Variants in OR7G2 observed in about 807,000 individuals in gnomAD.
OR7G2 encodes the protein olfactory receptor family 7 subfamily G member 2.
For missense variants in OR7G2, 362 were observed against 384.0 expected, an observed-to-expected ratio of 0.94 and a Z score of 0.48; for synonymous variants, 153 against 152.2, an observed-to-expected ratio of 1.01 and a Z score of -0.04.
chr19:9,104,173 C>A (rs1460640519), intron 1 of OR7G2, among the ~76,000 whole-genome samples: 1 of 152,124 alleles, frequency 6.6e-6, no homozygotes, highest in African/African-American at 2.4e-5. Flanking sequence ...AGGTGTGAGC[C>A]ATCACGCTCG....
chr19:9,103,375 G>A, intron 1 of OR7G2, 116 bp from the exon 2 acceptor site: 2 of 921,284 alleles, frequency 2.2e-6, no homozygotes, highest in Non-Finnish European at 3.3e-6. Flanking sequence ...TAAACTCTGG[G>A]GATGAGAACC....
chr19:9,106,652 G>A (rs565180794), intron 1 of OR7G2, among the ~76,000 whole-genome samples: 36 of 147,414 alleles, frequency 2.4e-4, no homozygotes, highest in African/African-American at 8.1e-4. Flanking sequence ...CAGGAGAATC[G>A]CTTGAACCTG....
At position 9,102,272 on chromosome 19, in the gene OR7G2, C is replaced by T. The variant is rs1379688994; in HGVS notation, c.972G>A (p.Glu324=). Residue 324 remains glutamate (E), a synonymous_variant, in exon 2 of 2, where the codon GAG becomes GAA. Transcript: ENST00000641081. The part of the protein sequence containing the change: ...CAICFGFRFL[E] ...CCAGGAATCCTGTCACTTTGACTTACTCTAGAAACCTGAATCCAAAGCAAA... is the reference window on the plus strand; with the variant it reads ...CCAGGAATCCTGTCACTTTGACTTATTCTAGAAACCTGAATCCAAAGCAAA... The T allele has an allele frequency of 4.4e-6, 7 of 1,590,262 alleles. No homozygotes were observed. In the South Asian group the frequency reaches 5.7e-5, roughly 13 times the overall value.
rs2050391803 is a variant in OR7G2, at chr19:9,107,361, C to G, written c.-64G>C. On this transcript the variant is annotated 5_prime_UTR_variant, in exon 1 of 2. Coordinates refer to ENST00000641081, the MANE Select transcript of OR7G2 (RefSeq NM_001005193.2). ...TATCCTCAGGAAGTGCAGACAGACT[C>G]GAGTCCTGGTCAAAAATATCATGTC... 1 of 152,122 alleles carries G rather than the reference C, an allele frequency of 6.6e-6. No individual in the cohort carries two copies. The highest frequency in any genetic ancestry group is 6.6e-5 in the Admixed American group (1 of 15,238). 9.4% of individuals were successfully genotyped at this position (152,122 alleles called of 1,614,324 possible).
chr19:9,103,267 A>G lies in OR7G2; in HGVS notation c.-16-8T>C, dbSNP rs2050366560. ...ATGCTGTTGATGATGAATCTGATGG[A>G]AAAGATAATAAAATCTGTAAGCAGC... On this transcript the variant is annotated splice_region_variant and splice_polypyrimidine_tract_variant and intron_variant, in intron 1 of 1. Transcript: ENST00000641081. 6.2e-7 allele frequency: 1 copy of G among 1,613,660 alleles called. No individual in the cohort carries two copies. Among genetic ancestry groups the G allele is most frequent in the Admixed American group, 1.7e-5 (1 of 59,956 alleles).
Position 9,102,254 on chromosome 19 carries a change from T to C in OR7G2, c.*15A>G, listed in dbSNP as rs1380693597. The C allele has an allele frequency of 3.2e-6, 5 of 1,571,084 alleles. No individual in the cohort carries two copies. The highest frequency in any genetic ancestry group is 4.3e-6 in the Non-Finnish European group (5 of 1,160,276). ...GTCAGGCATTCTAGCTCACCAGGAA[T>C]CCTGTCACTTTGACTTACTCTAGAA... On this transcript the variant is annotated 3_prime_UTR_variant, in exon 2 of 2. Transcript: ENST00000641081.
In OR7G2 at chr19:9,102,149, C is replaced by A. The variant is rs2050357142; in HGVS notation, c.*120G>T. 12 of 862,080 alleles carry A rather than the reference C, an allele frequency of 1.4e-5. No individual in the cohort carries two copies. In the East Asian group the frequency reaches 3.1e-4, roughly 22 times the overall value. The allele number at this position is 862,080 out of a possible 1,614,324, so 53.4% of individuals were successfully genotyped here. ...ACCCGGAGGCGGAAGTTGCAGTGAG[C>A]CGAGGTCGTGCCATTGCACTCCAGC... On this transcript the variant is annotated 3_prime_UTR_variant, in exon 2 of 2. Coordinates refer to ENST00000641081, the MANE Select transcript of OR7G2 (RefSeq NM_001005193.2).
At position 9,102,091 on chromosome 19, in the gene OR7G2, T is replaced by C; in HGVS notation, c.*178A>G. 1 of 566,160 alleles carries C rather than the reference T, an allele frequency of 1.8e-6. No individual in the cohort carries two copies. Among genetic ancestry groups the C allele is most frequent in the Non-Finnish European group, 3.1e-6 (1 of 324,964 alleles). The allele number at this position is 566,160 out of a possible 1,614,324, so 35.1% of individuals were successfully genotyped here. A position where few individuals can be genotyped will look rare whatever the true frequency, so the allele number is the denominator to read the frequency against. Reference sequence around the variant, plus strand: ...GGTGGCAGGCGCCTGTAATCCCCACTACTCAGGAGGCTGAGGCAGGAGGAT... The same window carrying C: ...GGTGGCAGGCGCCTGTAATCCCCACCACTCAGGAGGCTGAGGCAGGAGGAT... On this transcript the variant is annotated 3_prime_UTR_variant, in exon 2 of 2. Coordinates refer to ENST00000641081, the MANE Select transcript of OR7G2 (RefSeq NM_001005193.2).
chr19:9,100,599 A>C lies in OR7G2; in HGVS notation c.*1670T>G, dbSNP rs2050349001. On this transcript the variant is annotated 3_prime_UTR_variant, in exon 2 of 2. Transcript: ENST00000641081. ...ACTTATGAAGTTCAAATATCTCACA[A>C]TAATCTCAAATCACTAAGATAATCT... 6.6e-6 allele frequency: 1 copy of C among 152,180 alleles called. No individual in the cohort carries two copies. Among genetic ancestry groups the C allele is most frequent in the Admixed American group, 6.5e-5 (1 of 15,270 alleles). 9.4% of individuals were successfully genotyped at this position (152,180 alleles called of 1,614,324 possible). A position where few individuals can be genotyped will look rare whatever the true frequency, so the allele number is the denominator to read the frequency against.
intron 1 of OR7G2, 140 bp downstream of exon 1, chr19:9,107,174 T>G (rs2082441): frequency 0.29 from 44,501 of 152,060 alleles, 7,305 homozygotes; most frequent in East Asian, 0.59. Flanking sequence ...CCACACTCCT[T>G]CCAGGCAACA....
In OR7G2 at chr19:9,103,222, CTGTT is replaced by C. The variant is rs766443486; in HGVS notation, c.18_21del (p.Thr7LeufsTer10). 25 of 1,613,916 alleles carry C rather than the reference CTGTT, an allele frequency of 1.5e-5. No individual in the cohort carries two copies. The highest frequency in any genetic ancestry group is 1.6e-4 in the Middle Eastern group (1 of 6,082). On this transcript the variant is annotated frameshift_variant, in exon 2 of 2. Transcript: ENST00000641081. LOFTEE classifies it low-confidence loss of function (END_TRUNC). ...CCCAGGAGAAGGAATTTTGAAATAG[CTGTT>C]TGGTTTCTCGCTTCCATGCTGTTGA...
chr19:9,102,227 G>A lies in OR7G2; in HGVS notation c.*42C>T, dbSNP rs2050357622. On this transcript the variant is annotated 3_prime_UTR_variant, in exon 2 of 2. Coordinates refer to ENST00000641081, the MANE Select transcript of OR7G2 (RefSeq NM_001005193.2). ...AGAGAAAAAAACAAAACAAAACAAA[G>A]AGTCAGGCATTCTAGCTCACCAGGA... is the stretch of plus-strand genomic sequence containing the variant. 1 of 1,520,694 alleles carries A rather than the reference G, an allele frequency of 6.6e-7. No individual in the cohort carries two copies. The highest frequency in any genetic ancestry group is 1.4e-5 in the African/African-American group (1 of 71,910). 94.2% of individuals were successfully genotyped at this position (1,520,694 alleles called of 1,614,324 possible).
chr19:9,102,553 C>T lies in OR7G2; in HGVS notation c.691G>A (p.Ala231Thr). The stretch of plus-strand genomic sequence containing the variant: ...GAAACTGCTTTGTGCTTTCCACTTG[C>T]TGATGGCATTCTCAAAACACAGGAG... ...ITSCVLRMPSASGKHKAVSTC... is the reference protein window; with the variant it reads ...ITSCVLRMPSTSGKHKAVSTC... Residue 231 changes from alanine (A) to threonine (T), a missense_variant, in exon 2 of 2, where the codon GCA becomes ACA. By Grantham distance (58) the Ala-to-Thr change is moderately conservative. Transcript: ENST00000641081. 1 of 1,614,192 alleles carries T rather than the reference C, an allele frequency of 6.2e-7. No individual in the cohort carries two copies.
rs1308680811 is a variant in OR7G2, at chr19:9,103,220, A to C, written c.24T>G (p.Ala8=). MEARNQT[A]ISKFLLLGLI... The stretch of plus-strand genomic sequence containing the variant: ...GTCCCAGGAGAAGGAATTTTGAAAT[A>C]GCTGTTTGGTTTCTCGCTTCCATGC... Residue 8 remains alanine (A), a synonymous_variant, in exon 2 of 2, where the codon GCT becomes GCG. Coordinates refer to ENST00000641081, the MANE Select transcript of OR7G2 (RefSeq NM_001005193.2). 7 of 1,614,048 alleles carry C rather than the reference A, an allele frequency of 4.3e-6. No homozygotes were observed. The highest frequency in any genetic ancestry group is 5.9e-6 in the Non-Finnish European group (7 of 1,179,970).
At position 9,102,888 on chromosome 19, in the gene OR7G2, G is replaced by A; in HGVS notation, c.356C>T (p.Ala119Val). 2 of 1,614,112 alleles carry A rather than the reference G, an allele frequency of 1.2e-6. No individual in the cohort carries two copies. The highest frequency in any genetic ancestry group is 2.2e-5 in the South Asian group (2 of 91,080). ...ACAAATGGCCACATAGCGGTCATAGGCCATTGCTGCAAGGAGACAATTTTC... is the reference window on the plus strand; with the variant it reads ...ACAAATGGCCACATAGCGGTCATAGACCATTGCTGCAAGGAGACAATTTTC... ...GLENCLLAAM[A>V]YDRYVAICHP... is the part of the protein sequence containing the mutation. The change falls in exon 2 of 2, where the codon GCC becomes GTC. Residue 119 changes from alanine to valine, a missense_variant. Transcript: ENST00000641081.
chr19:9,104,546 G>A (rs1417644458), intron 1 of OR7G2, among the ~76,000 whole-genome samples: 2 of 152,026 alleles, frequency 1.3e-5, no homozygotes, highest in South Asian at 2.1e-4. Context: ...TAAAATTCTT[G>A]GTGGGGCGTG....
Position 9,102,631 on chromosome 19 carries a change from T to C in OR7G2, c.613A>G (p.Ile205Val), listed in dbSNP as rs1404826104. The change falls in exon 2 of 2, where the codon ATA (isoleucine) becomes GTA (valine). Residue 205 changes from isoleucine to valine, a missense_variant. Physicochemically the swap from Ile to Val is conservative, Grantham distance 29 (BLOSUM62 3). Transcript: ENST00000641081. Reference protein sequence around the residue: ...NNILIYFAACIFGGVPLSGII... With the variant: ...NNILIYFAACVFGGVPLSGII... The stretch of plus-strand genomic sequence containing the variant: ...CCAGACAGAGGAACACCACCAAATA[T>C]GCAAGCTGCAAAATATATCAGGATG... The C allele has an allele frequency of 6.2e-7, 1 of 1,614,164 alleles. No individual in the cohort carries two copies. The highest frequency in any genetic ancestry group is 1.7e-5 in the Admixed American group (1 of 60,006).
chr19:9,102,476 C>CA lies in OR7G2; in HGVS notation c.767dup (p.Leu256PhefsTer6). The CA allele has an allele frequency of 6.2e-7, 1 of 1,614,090 alleles. No homozygotes were observed. Among genetic ancestry groups the CA allele is most frequent in the Non-Finnish European group, 8.5e-7 (1 of 1,179,970 alleles). Reference sequence around the variant, plus strand: ...TAACCACAGAACTAATGTACACCCCCAAACCTGCCCCATAGAACAAGAGAA... The same window carrying CA: ...TAACCACAGAACTAATGTACACCCCCAAAACCTGCCCCATAGAACAAGAGAA... On this transcript the variant is annotated frameshift_variant, in exon 2 of 2. Coordinates refer to ENST00000641081, the MANE Select transcript of OR7G2 (RefSeq NM_001005193.2). LOFTEE classifies it low-confidence loss of function (END_TRUNC).
Position 9,101,097 on chromosome 19 carries a change from T to C in OR7G2, c.*1172A>G, listed in dbSNP as rs557091788. On this transcript the variant is annotated 3_prime_UTR_variant, in exon 2 of 2. Coordinates refer to ENST00000641081, the MANE Select transcript of OR7G2 (RefSeq NM_001005193.2). Reference sequence around the variant, plus strand: ...TGGAGTTTGGGGCTGCAGGGAGCTATGATCATGTCATTGCATTCCAGCCTA... The same window carrying C: ...TGGAGTTTGGGGCTGCAGGGAGCTACGATCATGTCATTGCATTCCAGCCTA... 1 of 152,052 alleles carries C rather than the reference T, an allele frequency of 6.6e-6. No homozygotes were observed. The highest frequency in any genetic ancestry group is 1.5e-5 in the Non-Finnish European group (1 of 68,086). The allele number at this position is 152,052 out of a possible 1,614,324, so 9.4% of individuals were successfully genotyped here.
Sources: gnomAD v4.1 joint callset for allele counts (sites outside exome capture counted in the v4.1 genomes callset) on GRCh38, gnomAD v4.1.1 for gene constraint, MANE v1.5 for transcripts, NCBI Gene and HGNC (gene_info 2026-07-23, HGNC 2026-07-21) for gene names.